The following SLC22A25 variants were observed in gnomAD, a reference collection of about 807,000 sequenced individuals.
The protein encoded by SLC22A25 is solute carrier family 22 member 25, also known as MGI:2442751, MGI:2385316, MGI:3042283, MGI:3645714, MGI:3605624, MGI:2442750.
Under a neutral mutation model 45.9 loss-of-function variants are expected in SLC22A25, and 44 were observed. The observed-to-expected ratio is 0.96, with a 90% CI of 0.75 to 1.23. The LOEUF is 1.23. Among genes scored for constraint, SLC22A25 ranks in the 50% most tolerant of loss-of-function variants. The probability of loss-of-function intolerance (pLI) is 0.00; values close to 1 mark genes in which losing one functional copy is unlikely to be tolerated. For missense variants in SLC22A25, 800 were observed against 666.4 expected (o/e 1.20, Z -2.21); for synonymous variants, 283 against 238.6 (o/e 1.19, Z -1.72).
chr11:63,228,337 AC>A (rs1260370949), intron 5 of SLC22A25, 123 bp downstream of exon 5: 3 of 711,680 alleles, frequency 4.2e-6, no homozygotes, highest in Non-Finnish European at 6.9e-6. Flanking sequence ...TTTTGTGTCT[AC>A]AAATCCCTGG....
At chr11:63,206,494 A>G (rs1376461932) in intron 7 of SLC22A25, among the ~76,000 whole-genome samples, 4 of 152,248 alleles carry the variant, frequency 2.6e-5, no homozygotes, top group Non-Finnish European at 5.9e-5. Context: ...CACAAATAAT[A>G]GAAAAACAGA....
intron 7 of SLC22A25, among the ~76,000 whole-genome samples, chr11:63,185,020 T>C (rs1451304877): frequency 1.3e-5 from 2 of 152,144 alleles, no homozygotes; most frequent in Admixed American, 1.3e-4. Context: ...CTAAAAATCA[T>C]GTAACACATT....
chr11:63,205,311 C>A (rs956187007), intron 7 of SLC22A25, among the ~76,000 whole-genome samples: 1 of 151,864 alleles, frequency 6.6e-6, no homozygotes, highest in African/African-American at 2.4e-5. Flanking sequence ...TAACTAAGAT[C>A]AGAGCAGAAA....
chr11:63,235,973 C>A (rs2090155699), intron 3 of SLC22A25, among the ~76,000 whole-genome samples: 1 of 152,166 alleles, frequency 6.6e-6, no homozygotes, highest in Non-Finnish European at 1.5e-5. Context: ...TGGTGAACTG[C>A]AAATGCTGCT....
intron 7 of SLC22A25, among the ~76,000 whole-genome samples, chr11:63,184,763 T>C (rs1044901747): frequency 1.1e-4 from 16 of 152,152 alleles, no homozygotes; most frequent in African/African-American, 3.6e-4. Flanking sequence ...ACTCAAATAT[T>C]TTCCTCTATT....
intron 7 of SLC22A25, among the ~76,000 whole-genome samples, chr11:63,210,351 T>C (rs1400926504): frequency 2.0e-5 from 3 of 152,102 alleles, no homozygotes; most frequent in African/African-American, 4.8e-5. Context: ...CTAGCAGAAA[T>C]TAACCCTGGA....
At chr11:63,211,648 C>A (rs191250119) in intron 7 of SLC22A25, among the ~76,000 whole-genome samples, 6 of 152,084 alleles carry the variant, frequency 3.9e-5, no homozygotes, top group African/African-American at 1.4e-4. Context: ...CTTCCTTACA[C>A]CTTATACAAA....
At chr11:63,188,248 T>G (rs1331428036) in intron 7 of SLC22A25, among the ~76,000 whole-genome samples, 3 of 152,236 alleles carry the variant, frequency 2.0e-5, no homozygotes, top group Non-Finnish European at 4.4e-5. Flanking sequence ...ATTCAGAGAT[T>G]CAACTTCTTC....
chr11:63,201,339 C>G (rs75132530), intron 7 of SLC22A25, among the ~76,000 whole-genome samples: 2,699 of 152,140 alleles, frequency 0.018, 79 homozygotes, highest in African/African-American at 0.062. Flanking sequence ...ACAGAGAACA[C>G]AGAAATAAGA....
At chr11:63,193,262 C>T (rs946106084) in intron 7 of SLC22A25, among the ~76,000 whole-genome samples, 1 of 149,696 alleles carries the variant, frequency 6.7e-6, no homozygotes, top group Non-Finnish European at 1.5e-5. Context: ...TCTGTATATC[C>T]AACTGAGCTT....
chr11:63,223,598 T>A (rs183451121), intron 5 of SLC22A25, among the ~76,000 whole-genome samples: 1 of 151,798 alleles, frequency 6.6e-6, no homozygotes, highest in Non-Finnish European at 1.5e-5. Context: ...TTTTGCATTC[T>A]TTTTTTCATT....
At position 63,158,632 on chromosome 11, in the gene SLC22A25, T is replaced by G. The variant is rs2087514294; in HGVS notation, c.*5192A>C. On this transcript the variant is annotated 3_prime_UTR_variant, in exon 12 of 12. Transcript: ENST00000306494. ...TTATACTCCTTTAGTTATTTTAAAA[T>G]GTACAATTAAATTATTTTGACTACA... 6.6e-6 allele frequency among the ~76,000 whole-genome samples: 1 copy of G among 152,192 alleles called. No homozygotes were observed. The highest frequency in any genetic ancestry group is 2.4e-5 in the African/African-American group (1 of 41,446).
chr11:63,231,634 A>G (rs1042212427), intron 3 of SLC22A25, among the ~76,000 whole-genome samples: 3 of 152,184 alleles, frequency 2.0e-5, no homozygotes, highest in African/African-American at 2.4e-5. Context: ...TTTGCTGTGC[A>G]CAAGCTCTCT....
chr11:63,230,315 T>A (rs2090043258), intron 3 of SLC22A25, among the ~76,000 whole-genome samples: 1 of 152,198 alleles, frequency 6.6e-6, no homozygotes, highest in East Asian at 1.9e-4. Flanking sequence ...AGAACCAGAG[T>A]AGTAAGCCAG....
At chr11:63,237,442 G>A (rs984588182) in intron 3 of SLC22A25, among the ~76,000 whole-genome samples, 4 of 152,150 alleles carry the variant, frequency 2.6e-5, no homozygotes, top group Non-Finnish European at 5.9e-5. Context: ...TCTGTCTTGT[G>A]ACCTTGCTTG....
intron 3 of SLC22A25, among the ~76,000 whole-genome samples, chr11:63,235,645 A>G (rs2090150274): frequency 2.0e-5 from 3 of 152,290 alleles, no homozygotes; most frequent in Admixed American, 6.5e-5. Context: ...CTCTCAAGTC[A>G]TTGAAGTCAT....
rs1036556499 is a variant in SLC22A25, at chr11:63,158,749, C to T, written c.*5075G>A. On this transcript the variant is annotated 3_prime_UTR_variant, in exon 12 of 12. Transcript: ENST00000306494. Reference sequence around the variant, plus strand: ...CTCAAGCGTTTATTCTTTGTGATTACAAACAATCCAATTATACTTTTTTAG... The same window carrying T: ...CTCAAGCGTTTATTCTTTGTGATTATAAACAATCCAATTATACTTTTTTAG... Among the ~76,000 whole-genome samples, 2 of 152,178 alleles carry T rather than the reference C, an allele frequency of 1.3e-5. No individual in the cohort carries two copies. The highest frequency in any genetic ancestry group is 2.9e-5 in the Non-Finnish European group (2 of 68,036).
intron 5 of SLC22A25, among the ~76,000 whole-genome samples, 166 bp downstream of exon 5, chr11:63,228,295 A>C (rs2090001548): frequency 6.6e-6 from 1 of 152,228 alleles, no homozygotes; most frequent in African/African-American, 2.4e-5. Flanking sequence ...CATTTTAAAA[A>C]ATAGCACTCA....
At chr11:63,190,420 A>G (rs192048199) in intron 7 of SLC22A25, among the ~76,000 whole-genome samples, 118 of 151,306 alleles carry the variant, frequency 7.8e-4, no homozygotes, top group African/African-American at 2.7e-3. Context: ...ACTTCTCTGC[A>G]TTGGTTATTC....
Sources: allele counts gnomAD v4.1 joint callset (sites outside exome capture counted in the v4.1 genomes callset), GRCh38; gene constraint gnomAD v4.1.1; transcripts MANE v1.5; gene names NCBI Gene and HGNC (gene_info 2026-07-23, HGNC 2026-07-21).